The following CATSPERT variants were observed in gnomAD, a reference collection of about 807,000 sequenced individuals.
CATSPERT encodes the protein cation channel sperm-associated targeting subunit tau.
At chr2:201,571,922 C>T in the CATSPERT span, 76,157 of 1,603,446 alleles carry the variant, frequency 0.047, 1,971 homozygotes, top group African/African-American at 0.079. Context: ...ACCATATTAA[C>T]GAGACTTAAA....
At chr2:201,608,924 T>C in the CATSPERT span, among the ~76,000 whole-genome samples, 1 of 148,688 alleles carries the variant, frequency 6.7e-6, no homozygotes, top group African/African-American at 2.5e-5. Flanking sequence ...CCCAACTATA[T>C]GCTGCCTATA....
At chr2:201,612,774 A>C in the CATSPERT span, among the ~76,000 whole-genome samples, 1 of 152,094 alleles carries the variant, frequency 6.6e-6, no homozygotes, top group Non-Finnish European at 1.5e-5. Context: ...CAGGAAGCAC[A>C]GAGGGTTGGG....
the CATSPERT span, chr2:201,582,213 G>A: frequency 6.3e-7 from 1 of 1,583,928 alleles, no homozygotes; most frequent in African/African-American, 1.4e-5. Flanking sequence ...ATAACGTCTG[G>A]GAACCTCAAT....
the CATSPERT span, among the ~76,000 whole-genome samples, chr2:201,561,933 C>T: frequency 6.6e-6 from 1 of 151,898 alleles, no homozygotes; most frequent in Non-Finnish European, 1.5e-5. Context: ...CAACAGCCTC[C>T]TACTTTTCTT....
chr2:201,576,527 C>G, the CATSPERT span, among the ~76,000 whole-genome samples: 2 of 152,182 alleles, frequency 1.3e-5, no homozygotes, highest in African/African-American at 4.8e-5. Context: ...TAGGCCAGTT[C>G]GTTAACCTTT....
the CATSPERT span, chr2:201,535,432 TCA>T: frequency 2.1e-6 from 2 of 970,306 alleles, no homozygotes; most frequent in South Asian, 9.5e-5. Flanking sequence ...ACCTTTAAAT[TCA>T]CACTCTTATT....
chr2:201,492,757 T>C, the CATSPERT span: 1 of 1,535,028 alleles, frequency 6.5e-7, no homozygotes, highest in Admixed American at 2.0e-5. Context: ...CTGAAAACTG[T>C]TTGGCCCTTT....
chr2:201,495,620 C>G, the CATSPERT span, among the ~76,000 whole-genome samples: 2 of 150,580 alleles, frequency 1.3e-5, no homozygotes, highest in East Asian at 3.9e-4. Context: ...TTAATGGATG[C>G]AACTTATTGT....
chr2:201,535,983 C>T, the CATSPERT span: 1 of 1,609,118 alleles, frequency 6.2e-7, no homozygotes, highest in Non-Finnish European at 8.5e-7. Flanking sequence ...ATCTAAGTTC[C>T]TGCTCTTTGG....
the CATSPERT span, among the ~76,000 whole-genome samples, chr2:201,515,217 T>TAG: frequency 3.3e-4 from 14 of 42,474 alleles, 3 homozygotes; most frequent in African/African-American, 1.5e-3. Context: ...TTTTTTTTTT[T>TAG]TTTTTTTTTT....
At chr2:201,536,669 G>A in the CATSPERT span, among the ~76,000 whole-genome samples, 1 of 151,708 alleles carries the variant, frequency 6.6e-6, no homozygotes, top group African/African-American at 2.4e-5. Context: ...ATAACAAAAT[G>A]CACAAGGAAT....
chr2:201,557,206 A>G, the CATSPERT span: 15 of 152,358 alleles, frequency 9.8e-5, no homozygotes, highest in African/African-American at 3.6e-4. Context: ...ATTTAAATTC[A>G]AACATTGATT....
At chr2:201,580,630 G>C in the CATSPERT span, among the ~76,000 whole-genome samples, 1 of 152,150 alleles carries the variant, frequency 6.6e-6, no homozygotes, top group Non-Finnish European at 1.5e-5. Context: ...TGGGCAATAG[G>C]AGTCCCTGCA....
At chr2:201,587,795 C>G in the CATSPERT span, among the ~76,000 whole-genome samples, 27 of 151,726 alleles carry the variant, frequency 1.8e-4, no homozygotes, top group African/African-American at 6.3e-4. Context: ...TAAAGACAAC[C>G]AGAAACGACA....
At chr2:201,613,029 G>A in the CATSPERT span, among the ~76,000 whole-genome samples, 1 of 152,262 alleles carries the variant, frequency 6.6e-6, no homozygotes, top group East Asian at 1.9e-4. Flanking sequence ...GCTGAGGCTT[G>A]AGTAGGTAAA....
chr2:201,587,170 T>C, the CATSPERT span, among the ~76,000 whole-genome samples: 1 of 152,210 alleles, frequency 6.6e-6, no homozygotes, highest in African/African-American at 2.4e-5. Context: ...GTATTGCACT[T>C]CTACATATGC....
At chr2:201,517,807 C>T in the CATSPERT span, among the ~76,000 whole-genome samples, 1 of 152,176 alleles carries the variant, frequency 6.6e-6, no homozygotes, top group African/African-American at 2.4e-5. Context: ...CAACTTGACC[C>T]ACCTCAAGAT....
At chr2:201,610,327 G>A in the CATSPERT span, among the ~76,000 whole-genome samples, 76 of 152,030 alleles carry the variant, frequency 5.0e-4, no homozygotes, top group South Asian at 9.8e-3. Context: ...GCGTGGTGGC[G>A]GGCGCCTGTA....
At chr2:201,597,350 C>T in the CATSPERT span, among the ~76,000 whole-genome samples, 2 of 152,228 alleles carry the variant, frequency 1.3e-5, no homozygotes, top group African/African-American at 4.8e-5. Context: ...ACCCTGTACA[C>T]ACCCAACTTA....
Sources: allele counts gnomAD v4.1 joint callset (sites outside exome capture counted in the v4.1 genomes callset), GRCh38; gene constraint gnomAD v4.1.1; transcripts MANE v1.5; gene names NCBI Gene and HGNC (gene_info 2026-07-23, HGNC 2026-07-21).